Variants in EFHC2 observed in about 807,000 individuals in gnomAD.
EFHC2 encodes the protein EF-hand domain containing 2.
A neutral mutation model predicts 52.7 loss-of-function variants in EFHC2; 18 were observed. That is an observed-to-expected ratio of 0.34 (90% CI 0.24 to 0.51). The LOEUF (loss-of-function observed/expected upper bound fraction) is 0.51, where lower values mean the gene tolerates loss of function less well. Among genes scored for constraint, EFHC2 ranks in the 20% least tolerant of loss-of-function variants. The probability of loss-of-function intolerance (pLI) is 0.97; values close to 1 mark genes in which losing one functional copy is unlikely to be tolerated. For missense variants in EFHC2, 513 were observed against 562.5 expected, an observed-to-expected ratio of 0.91 and a Z score of 0.89; for synonymous variants, 203 against 204.1, an observed-to-expected ratio of 0.99 and a Z score of 0.04.
intron 1 of EFHC2, among the ~76,000 whole-genome samples, chrX:44,321,427 A>G (rs2038019865): frequency 9.0e-6 from 1 of 111,701 alleles, no homozygotes; most frequent in African/African-American, 3.3e-5. Context: ...GGATATAAAA[A>G]TTTGATATAC....
At chrX:44,209,598 T>A (rs1053957580) in intron 11 of EFHC2, among the ~76,000 whole-genome samples, 5 of 109,776 alleles carry the variant, frequency 4.6e-5, no homozygotes, top group Non-Finnish European at 9.5e-5. Context: ...AAATATTTAG[T>A]GACAAGCTTG....
At chrX:44,266,907 G>T (rs1935434527) in intron 3 of EFHC2, among the ~76,000 whole-genome samples, 1 of 111,146 alleles carries the variant, frequency 9.0e-6, no homozygotes, top group Non-Finnish European at 1.9e-5. Flanking sequence ...ATATATATAT[G>T]AGAAATACTA....
intron 6 of EFHC2, 98 bp downstream of exon 6, chrX:44,248,705 T>A: frequency 1.5e-6 from 1 of 675,937 alleles, no homozygotes; most frequent in Non-Finnish European, 2.3e-6. Flanking sequence ...ATCGATTTCA[T>A]TCACAATCTC....
At chrX:44,309,303 C>T in intron 2 of EFHC2, 1 of 693,231 alleles carries the variant, frequency 1.4e-6, no homozygotes, top group Non-Finnish European at 2.3e-6. Context: ...AAGGGCACAT[C>T]TTCAGTTCAT....
At chrX:44,164,179 C>A (rs777916429) in intron 13 of EFHC2, among the ~76,000 whole-genome samples, 152 bp from the exon 14 acceptor site, 5 of 111,359 alleles carry the variant, frequency 4.5e-5, no homozygotes, top group Non-Finnish European at 7.5e-5. Context: ...TGCTTCTGAC[C>A]CTCCAGAATG....
intron 8 of EFHC2, among the ~76,000 whole-genome samples, chrX:44,235,955 A>G (rs1224566140): frequency 9.1e-6 from 1 of 109,689 alleles, no homozygotes; most frequent in Non-Finnish European, 1.9e-5. Flanking sequence ...CAACCCCCCA[A>G]CTTCCTTCAA....
intron 2 of EFHC2, among the ~76,000 whole-genome samples, chrX:44,289,681 T>C (rs1260745642): frequency 1.8e-4 from 17 of 92,194 alleles, no homozygotes; most frequent in East Asian, 3.3e-4. Context: ...TTCTTTCTTT[T>C]TTTTTTTTTT....
At chrX:44,322,101 G>T (rs1387700030) in intron 1 of EFHC2, among the ~76,000 whole-genome samples, 2 of 103,865 alleles carry the variant, frequency 1.9e-5, no homozygotes, top group Non-Finnish European at 3.9e-5. Context: ...CAAGTGCCTA[G>T]AACAGAGAAT....
chrX:44,275,067 C>T (rs761706821), intron 2 of EFHC2, among the ~76,000 whole-genome samples: 24 of 111,096 alleles, frequency 2.2e-4, no homozygotes, highest in Non-Finnish European at 4.0e-4. Context: ...TGTCACCCAC[C>T]TCTATATACT....
At chrX:44,292,717 C>A (rs2037801147) in intron 2 of EFHC2, among the ~76,000 whole-genome samples, 1 of 110,642 alleles carries the variant, frequency 9.0e-6, no homozygotes, top group African/African-American at 3.3e-5. Flanking sequence ...TGGATTTCCC[C>A]CTCGGTACTG....
intron 11 of EFHC2, among the ~76,000 whole-genome samples, chrX:44,204,994 T>C: frequency 9.0e-6 from 1 of 111,444 alleles, no homozygotes; most frequent in Middle Eastern, 4.6e-3. Context: ...AGGGCCAAAT[T>C]ACCTGTAAAG....
At chrX:44,156,131 G>C (rs1347699832) in intron 14 of EFHC2, among the ~76,000 whole-genome samples, 1 of 111,857 alleles carries the variant, frequency 8.9e-6, no homozygotes, top group South Asian at 3.7e-4. Context: ...GTGGATTTTT[G>C]AGCTTCAGTG....
intron 11 of EFHC2, among the ~76,000 whole-genome samples, chrX:44,218,377 ATGGG>A (rs1258065678): frequency 9.0e-6 from 1 of 111,642 alleles, no homozygotes; most frequent in Admixed American, 9.5e-5. Flanking sequence ...AAAAAAAAGT[ATGGG>A]TAAGACATCA....
chrX:44,247,231 CT>C (rs2037407232), intron 7 of EFHC2, among the ~76,000 whole-genome samples: 1 of 112,280 alleles, frequency 8.9e-6, no homozygotes. Context: ...AACTGTAAGC[CT>C]TTTTCACTCT....
intron 1 of EFHC2, among the ~76,000 whole-genome samples, chrX:44,326,696 C>G (rs926498317): frequency 9.5e-6 from 1 of 105,571 alleles, no homozygotes; most frequent in Non-Finnish European, 1.9e-5. Context: ...ATCATCATCC[C>G]TATTTTATGC....
chrX:44,169,476 T>C (rs2036725882), intron 13 of EFHC2, among the ~76,000 whole-genome samples: 1 of 110,583 alleles, frequency 9.0e-6, no homozygotes, highest in African/African-American at 3.3e-5. Context: ...AGACAGGGTC[T>C]CACTATGTTG....
intron 7 of EFHC2, among the ~76,000 whole-genome samples, chrX:44,243,576 T>C (rs2037376940): frequency 8.9e-6 from 1 of 112,230 alleles, no homozygotes; most frequent in African/African-American, 3.2e-5. Flanking sequence ...TTCTAACTCT[T>C]GTTGAAAACA....
chrX:44,178,168 C>CACACACACA (rs1342884543), intron 12 of EFHC2, among the ~76,000 whole-genome samples, 199 bp downstream of exon 12: 1 of 108,995 alleles, frequency 9.2e-6, no homozygotes, highest in Non-Finnish European at 1.9e-5. Context: ...CACACACACA[C>CACACACACA]AAGCTCTCCA....
At position 44,165,744 on chromosome X, in the gene EFHC2, T is replaced by C. The variant is rs765764863; in HGVS notation, c.2043-1717A>G. On this transcript the variant is annotated intron_variant, in intron 13 of 14. Coordinates refer to ENST00000420999, the MANE Select transcript of EFHC2 (RefSeq NM_025184.4). Reference sequence around the variant, plus strand: ...ATGAGACCTTCAATGTTCTGAATGTTTGTGTCCCCTCAAAATTCATATATT... The same window carrying C: ...ATGAGACCTTCAATGTTCTGAATGTCTGTGTCCCCTCAAAATTCATATATT... 9.7e-4 allele frequency among the ~76,000 whole-genome samples: 108 copies of C among 111,402 alleles called. 1 individual carries two copies. The highest frequency in any genetic ancestry group is 1.9e-3 in the Non-Finnish European group (100 of 52,978).
Sources: gnomAD v4.1 joint callset for allele counts (sites outside exome capture counted in the v4.1 genomes callset) on GRCh38, gnomAD v4.1.1 for gene constraint, MANE v1.5 for transcripts, NCBI Gene and HGNC (gene_info 2026-07-23, HGNC 2026-07-21) for gene names.